Variants in LDB2 observed in about 807,000 individuals in gnomAD.
LDB2 encodes LIM domain-binding protein 2.
Under a neutral mutation model 44.3 loss-of-function variants are expected in LDB2, and 12 were observed. The observed-to-expected ratio is 0.27, with a 90% CI of 0.17 to 0.44. The LOEUF (loss-of-function observed/expected upper bound fraction) is 0.44, where lower values mean the gene tolerates loss of function less well. LDB2 is among the 20% of genes least tolerant of loss of function. The probability of loss-of-function intolerance (pLI) is 1.00; values close to 1 mark genes in which losing one functional copy is unlikely to be tolerated. For missense variants in LDB2, 344 were observed against 473.5 expected (o/e 0.73, Z 2.54); for synonymous variants, 164 against 174.8 (o/e 0.94, Z 0.49).
chr4:16,796,922 A>C (rs1345386897), intron 1 of LDB2, among the ~76,000 whole-genome samples: 1 of 152,200 alleles, frequency 6.6e-6, no homozygotes, highest in African/African-American at 2.4e-5. Flanking sequence ...CATGGTTAAC[A>C]AACATAAGAA....
chr4:16,647,741 C>T (rs1219654331), intron 2 of LDB2, among the ~76,000 whole-genome samples: 1 of 152,156 alleles, frequency 6.6e-6, no homozygotes, highest in Non-Finnish European at 1.5e-5. Flanking sequence ...GACTCCATGT[C>T]TTTGCCATGT....
chr4:16,756,177 G>C (rs6826866), intron 2 of LDB2, among the ~76,000 whole-genome samples: 7,313 of 152,288 alleles, frequency 0.048, 599 homozygotes, highest in African/African-American at 0.17. Context: ...AGATGTGGTG[G>C]CTCATGCCTG....
chr4:16,815,297 A>G (rs550135459), intron 1 of LDB2, among the ~76,000 whole-genome samples: 1 of 152,338 alleles, frequency 6.6e-6, no homozygotes, highest in Non-Finnish European at 1.5e-5. Flanking sequence ...CCTCTAAACT[A>G]TCCCTGAAAC....
rs139111923 is a variant in LDB2 at position 16,766,463 on chromosome 4, CATAT to C, written c.133-7207_133-7204del. 1.0e-3 allele frequency among the ~76,000 whole-genome samples: 124 copies of C among 122,090 alleles called. No homozygotes were observed. The East Asian group carries it at 0.017, about 17-fold the overall frequency. The allele number at this position is 122,090 out of a possible 152,430, so 80.1% of individuals were successfully genotyped here. On this transcript the variant is annotated intron_variant, in intron 1 of 7. Coordinates refer to ENST00000304523, the MANE Select transcript of LDB2 (RefSeq NM_001290.5). ...ATGTGTGTGTATATATATACACACA[CATAT>C]ATGTGTGTGTGTGTGTGTGTGTGTG...
At chr4:16,506,044 A>G in intron 7 of LDB2, 1 of 1,513,300 alleles carries the variant, frequency 6.6e-7, no homozygotes. Context: ...AGACACACAC[A>G]TCGCTGCCGC....
intron 1 of LDB2, among the ~76,000 whole-genome samples, chr4:16,781,072 T>C (rs528048992): frequency 1.3e-5 from 2 of 152,296 alleles, no homozygotes; most frequent in South Asian, 4.1e-4. Flanking sequence ...TTTCCATGGT[T>C]CTGGTCCTCT....
chr4:16,828,517 C>T (rs916090126), intron 1 of LDB2, among the ~76,000 whole-genome samples: 1 of 152,146 alleles, frequency 6.6e-6, no homozygotes, highest in African/African-American at 2.4e-5. Flanking sequence ...GTTGGAGGTA[C>T]ACAGTCCATG....
chr4:16,744,780 C>A (rs1313775977), intron 2 of LDB2, among the ~76,000 whole-genome samples: 1 of 152,152 alleles, frequency 6.6e-6, no homozygotes, highest in Non-Finnish European at 1.5e-5. Flanking sequence ...CCAGCCAAGT[C>A]ACGTGTTTTA....
At chr4:16,644,278 C>T (rs574580478) in intron 2 of LDB2, among the ~76,000 whole-genome samples, 1 of 152,122 alleles carries the variant, frequency 6.6e-6, no homozygotes, top group Non-Finnish European at 1.5e-5. Context: ...AATGATGGGA[C>T]TTGCACTTCA....
At chr4:16,799,761 T>C (rs556378914) in intron 1 of LDB2, among the ~76,000 whole-genome samples, 5 of 152,340 alleles carry the variant, frequency 3.3e-5, no homozygotes, top group African/African-American at 1.2e-4. Flanking sequence ...AGTTAGGGTT[T>C]ACCAGATGAA....
chr4:16,540,893 G>C (rs1733537836), intron 5 of LDB2, among the ~76,000 whole-genome samples: 1 of 152,094 alleles, frequency 6.6e-6, no homozygotes, highest in Admixed American at 6.6e-5. Flanking sequence ...AAAATTTACA[G>C]AGAAGCATCT....
At chr4:16,720,244 G>C (rs1757970539) in intron 2 of LDB2, among the ~76,000 whole-genome samples, 1 of 150,558 alleles carries the variant, frequency 6.6e-6, no homozygotes, top group African/African-American at 2.4e-5. Flanking sequence ...GATTATCCTA[G>C]ATAATGAGAG....
In LDB2 at chr4:16,820,485, G is replaced by T. The variant is rs188063586; in HGVS notation, c.133-61225C>A. On this transcript the variant is annotated intron_variant, in intron 1 of 7. Coordinates refer to ENST00000304523, the MANE Select transcript of LDB2 (RefSeq NM_001290.5). ...TAGAGGGGGAAAAACCGTCAGTGATGACTTCAGCAGTGCAGGTCAAGGGAA... is the reference window on the plus strand; with the variant it reads ...TAGAGGGGGAAAAACCGTCAGTGATTACTTCAGCAGTGCAGGTCAAGGGAA... Among the ~76,000 whole-genome samples, 4 of 152,286 alleles carry T rather than the reference G, an allele frequency of 2.6e-5. No individual in the cohort carries two copies. In the East Asian group the frequency reaches 7.7e-4, roughly 29 times the overall value.
chr4:16,851,451 G>A (rs918291536), intron 1 of LDB2, among the ~76,000 whole-genome samples: 6 of 151,916 alleles, frequency 3.9e-5, no homozygotes, highest in Admixed American at 3.3e-4. Flanking sequence ...AAAATTAGCC[G>A]GGCATGGTGG....
intron 2 of LDB2, among the ~76,000 whole-genome samples, chr4:16,607,641 TA>T (rs35843919): frequency 0.38 from 58,256 of 152,056 alleles, 11,643 homozygotes; most frequent in East Asian, 0.62. Context: ...TAGCTCTACT[TA>T]ATCACTCCCA....
At chr4:16,593,472 A>G in intron 3 of LDB2, among the ~76,000 whole-genome samples, 1 of 152,056 alleles carries the variant, frequency 6.6e-6, no homozygotes, top group Non-Finnish European at 1.5e-5. Flanking sequence ...GAGCAAAAAA[A>G]CAAAAAACAA....
At chr4:16,736,203 T>C (rs1287592571) in intron 2 of LDB2, among the ~76,000 whole-genome samples, 2 of 152,196 alleles carry the variant, frequency 1.3e-5, no homozygotes, top group Non-Finnish European at 2.9e-5. Context: ...CACAGGCACA[T>C]GTACCCTGGA....
At chr4:16,666,273 A>G (rs952176367) in intron 2 of LDB2, among the ~76,000 whole-genome samples, 10 of 152,182 alleles carry the variant, frequency 6.6e-5, no homozygotes, top group African/African-American at 2.4e-4. Flanking sequence ...TCTCTGGCTC[A>G]CACGGGAGCA....
chr4:16,785,448 A>C (rs763793470), intron 1 of LDB2, among the ~76,000 whole-genome samples: 16 of 152,208 alleles, frequency 1.1e-4, no homozygotes, highest in South Asian at 8.3e-4. Context: ...GTGAGGACGG[A>C]TGCATCACTG....
Sources: gnomAD v4.1 joint callset for allele counts (sites outside exome capture counted in the v4.1 genomes callset) on GRCh38, gnomAD v4.1.1 for gene constraint, MANE v1.5 for transcripts, NCBI Gene and HGNC (gene_info 2026-07-23, HGNC 2026-07-21) for gene names.